KCNJ6: variants seen among roughly 807,000 people sequenced by gnomAD.
The protein encoded by KCNJ6 is G protein-activated inward rectifier potassium channel 2.
A neutral mutation model predicts 34.2 loss-of-function variants in KCNJ6; 9 were observed. The observed-to-expected ratio is 0.26, with a 90% CI of 0.16 to 0.46. The LOEUF is 0.46. Ranked by LOEUF, KCNJ6 falls within the 20% of genes least tolerant of loss-of-function variation. The pLI is 1.00. For missense variants in KCNJ6, 236 were observed against 531.3 expected (o/e 0.44, Z 5.46); for synonymous variants, 196 against 207.1 (o/e 0.95, Z 0.46).
chr21:37,844,058 T>C (rs2055493979), intron 1 of KCNJ6, among the ~76,000 whole-genome samples: 1 of 126,312 alleles, frequency 7.9e-6, no homozygotes, highest in African/African-American at 3.0e-5. Flanking sequence ...CCCCCTGATA[T>C]TTTGCATTTT....
intron 1 of KCNJ6, among the ~76,000 whole-genome samples, chr21:37,864,225 C>T (rs2055610570): frequency 6.6e-6 from 1 of 152,028 alleles, no homozygotes; most frequent in Non-Finnish European, 1.5e-5. Flanking sequence ...GATCCTCCCA[C>T]CTCAGCCTCC....
intron 2 of KCNJ6, among the ~76,000 whole-genome samples, chr21:37,775,827 G>A (rs9680260): frequency 0.49 from 73,619 of 150,286 alleles, 18,151 homozygotes; most frequent in Non-Finnish European, 0.52. Context: ...TTGCCTTGGC[G>A]ATGCGGGCTC....
intron 3 of KCNJ6, among the ~76,000 whole-genome samples, chr21:37,640,745 T>C (rs1261662252): frequency 6.6e-6 from 1 of 152,192 alleles, no homozygotes; most frequent in Non-Finnish European, 1.5e-5. Flanking sequence ...CGCCCTTCAT[T>C]TCATTGTCCC....
intron 2 of KCNJ6, among the ~76,000 whole-genome samples, chr21:37,748,107 G>T (rs182776437): frequency 6.6e-6 from 1 of 152,290 alleles, no homozygotes; most frequent in East Asian, 1.9e-4. Flanking sequence ...ACGTTTTATG[G>T]ACAGTGTAAG....
chr21:37,703,807 G>T (rs1351335125), intron 3 of KCNJ6, among the ~76,000 whole-genome samples: 1 of 125,230 alleles, frequency 8.0e-6, no homozygotes, highest in Non-Finnish European at 1.6e-5. Context: ...CAATGTGGTA[G>T]TGGAGGACAC....
At chr21:37,906,497 T>C (rs1430183176) in intron 1 of KCNJ6, among the ~76,000 whole-genome samples, 3 of 152,218 alleles carry the variant, frequency 2.0e-5, no homozygotes, top group Non-Finnish European at 4.4e-5. Flanking sequence ...CTGGAGGGGA[T>C]GGGCAGATGA....
At chr21:37,743,057 TC>T (rs1366348077) in intron 2 of KCNJ6, among the ~76,000 whole-genome samples, 1 of 152,122 alleles carries the variant, frequency 6.6e-6, no homozygotes, top group Non-Finnish European at 1.5e-5. Flanking sequence ...GCCAGAGAGC[TC>T]CCAATATGTT....
At chr21:37,704,653 A>AGTT (rs2054709535) in intron 3 of KCNJ6, among the ~76,000 whole-genome samples, 2 of 117,654 alleles carry the variant, frequency 1.7e-5, no homozygotes, top group South Asian at 5.5e-4. Context: ...CCTCAGTATG[A>AGTT]GTCGTCGTCA....
chr21:37,740,036 G>C (rs1281626480), intron 2 of KCNJ6, among the ~76,000 whole-genome samples: 1 of 152,146 alleles, frequency 6.6e-6, no homozygotes, highest in East Asian at 1.9e-4. Context: ...CATGACTCCA[G>C]TGTGGCTTGT....
intron 2 of KCNJ6, among the ~76,000 whole-genome samples, chr21:37,821,550 C>A (rs1185257980): frequency 6.6e-6 from 1 of 152,060 alleles, no homozygotes. Context: ...TTTCCCCTGC[C>A]CCCCCAACAG....
chr21:37,708,670 C>T (rs2054734141), intron 3 of KCNJ6, among the ~76,000 whole-genome samples: 1 of 152,152 alleles, frequency 6.6e-6, no homozygotes, highest in South Asian at 2.1e-4. Flanking sequence ...CATTTCAGAG[C>T]TCACCAATTA....
At chr21:37,755,845 C>T (rs764420971) in intron 2 of KCNJ6, among the ~76,000 whole-genome samples, 6 of 152,246 alleles carry the variant, frequency 3.9e-5, no homozygotes, top group Admixed American at 3.3e-4. Context: ...TTTCCCCAAG[C>T]ACATCTCACA....
At chr21:37,874,513 T>C (rs1441362060) in intron 1 of KCNJ6, among the ~76,000 whole-genome samples, 2 of 152,260 alleles carry the variant, frequency 1.3e-5, no homozygotes, top group Admixed American at 1.3e-4. Flanking sequence ...ACTTTGATAC[T>C]AGTCTGGATT....
At chr21:37,680,455 A>G (rs1020217769) in intron 3 of KCNJ6, among the ~76,000 whole-genome samples, 1 of 152,208 alleles carries the variant, frequency 6.6e-6, no homozygotes, top group Non-Finnish European at 1.5e-5. Flanking sequence ...TTAATTTTAT[A>G]TATCAACTCG....
intron 2 of KCNJ6, among the ~76,000 whole-genome samples, chr21:37,818,726 A>G (rs756766581): frequency 2.6e-5 from 4 of 152,252 alleles, no homozygotes; most frequent in Non-Finnish European, 5.9e-5. Flanking sequence ...AAGTGACTTC[A>G]GGAGAAATAT....
chr21:37,745,095 T>G (rs981720617), intron 2 of KCNJ6, among the ~76,000 whole-genome samples: 2 of 77,100 alleles, frequency 2.6e-5, no homozygotes, highest in African/African-American at 3.8e-5. Context: ...TTTTTTTTTT[T>G]TTTTTTTTTT....
At chr21:37,845,851 T>A (rs1295148373) in intron 1 of KCNJ6, among the ~76,000 whole-genome samples, 2 of 152,160 alleles carry the variant, frequency 1.3e-5, no homozygotes, top group African/African-American at 4.8e-5. Flanking sequence ...TGCTCCAGAA[T>A]ATAAGGTCTG....
intron 3 of KCNJ6, among the ~76,000 whole-genome samples, chr21:37,710,821 G>A (rs1339696953): frequency 3.3e-5 from 5 of 152,136 alleles, no homozygotes; most frequent in African/African-American, 7.2e-5. Context: ...TCTCAAAATC[G>A]CCCATGTGTC....
chr21:37,627,243 T>C (rs1179454846), intron 3 of KCNJ6, among the ~76,000 whole-genome samples: 1 of 152,226 alleles, frequency 6.6e-6, no homozygotes, highest in East Asian at 1.9e-4. Context: ...AGCTCTGTGC[T>C]CTTCCTCTTA....
Sources: gnomAD v4.1 joint callset for allele counts (sites outside exome capture counted in the v4.1 genomes callset) on GRCh38, gnomAD v4.1.1 for gene constraint, MANE v1.5 for transcripts, NCBI Gene and HGNC (gene_info 2026-07-23, HGNC 2026-07-21) for gene names.